Variants in EYA1 observed in about 807,000 individuals in gnomAD.
The protein encoded by EYA1 is EYA transcriptional coactivator and phosphatase 1.
EYA1 carries 16 observed loss-of-function variants against 82.0 expected under a neutral mutation model. The ratio of observed to expected loss-of-function variants is 0.20; its 90% CI spans 0.13 to 0.30. The LOEUF (loss-of-function observed/expected upper bound fraction) is 0.30. Ranked by LOEUF, EYA1 falls within the 10% of genes least tolerant of loss-of-function variation. The pLI, the probability that EYA1 is intolerant of heterozygous loss-of-function variation, is 1.00. For missense variants in EYA1, 633 were observed against 730.7 expected (o/e 0.87, Z 1.54); for synonymous variants, 261 against 264.4 (o/e 0.99, Z 0.12).
chr8:71,480,321 G>T (rs1810037257), intron 2 of EYA1, among the ~76,000 whole-genome samples: 1 of 152,152 alleles, frequency 6.6e-6, no homozygotes, highest in Non-Finnish European at 1.5e-5. Context: ...GATGTGATGT[G>T]TATATGACAT....
chr8:71,360,973 C>T (rs796127938), intron 1 of EYA1, among the ~76,000 whole-genome samples: 29 of 152,244 alleles, frequency 1.9e-4, no homozygotes, highest in African/African-American at 6.3e-4. Context: ...AATGGTAATT[C>T]AAAAGTTTAC....
At chr8:71,301,077 G>C (rs1009686985) in intron 7 of EYA1, among the ~76,000 whole-genome samples, 1 of 152,130 alleles carries the variant, frequency 6.6e-6, no homozygotes, top group African/African-American at 2.4e-5. Context: ...GAGCAGTATA[G>C]GCCATAAATG....
chr8:71,215,301 GAA>G, intron 16 of EYA1, 84 bp downstream of exon 16: 1 of 1,349,822 alleles, frequency 7.4e-7, no homozygotes, highest in Non-Finnish European at 1.1e-6. Context: ...TAGCATTCTG[GAA>G]AAAAAGTTTC....
At chr8:71,423,219 T>G (rs2129151738) in intron 2 of EYA1, among the ~76,000 whole-genome samples, 1 of 152,102 alleles carries the variant, frequency 6.6e-6, no homozygotes, top group African/African-American at 2.4e-5. Flanking sequence ...AGGGCAAAAC[T>G]AAGTTGATAA....
chr8:71,449,561 T>C (rs1384489542), intron 2 of EYA1, among the ~76,000 whole-genome samples: 1 of 152,250 alleles, frequency 6.6e-6, no homozygotes, highest in African/African-American at 2.4e-5. Context: ...TCATCTAGGC[T>C]TTATTGTTCC....
chr8:71,483,661 A>ATG (rs1190997564), intron 2 of EYA1, among the ~76,000 whole-genome samples: 2 of 149,578 alleles, frequency 1.3e-5, no homozygotes, highest in Non-Finnish European at 3.0e-5. Flanking sequence ...CGTCAATGGT[A>ATG]TGTGTGTGTG....
chr8:71,199,835 C>G (rs546915424), intron 17 of EYA1: 10 of 198,622 alleles, frequency 5.0e-5, no homozygotes, highest in Admixed American at 2.7e-4. Flanking sequence ...TACATTTTTT[C>G]TAACTTTTAA....
At chr8:71,511,117 C>T (rs1169123528) in intron 2 of EYA1, among the ~76,000 whole-genome samples, 2 of 151,962 alleles carry the variant, frequency 1.3e-5, no homozygotes, top group African/African-American at 4.8e-5. Context: ...CTTTAAACTG[C>T]CCTATACATA....
In EYA1 at chr8:71,198,817, CAATA is replaced by C. The variant is rs1252514655; in HGVS notation, c.*519_*522del. ...AAAGTCTGGTGGGTGAATTATACCTCAATAAAGCTGTTTTTTTATCTTTTTAAAA... is the reference window on the plus strand; with the variant it reads ...AAAGTCTGGTGGGTGAATTATACCTCAAGCTGTTTTTTTATCTTTTTAAAA... On this transcript the variant is annotated 3_prime_UTR_variant, in exon 18 of 18. Coordinates refer to ENST00000340726, the MANE Select transcript of EYA1 (RefSeq NM_000503.6). 8.3e-6 allele frequency: 1 copy of C among 121,142 alleles called. No homozygotes were observed. The highest frequency in any genetic ancestry group is 3.8e-5 in the African/African-American group (1 of 26,522). 7.5% of individuals were successfully genotyped at this position (121,142 alleles called of 1,614,324 possible). A position where few individuals can be genotyped will look rare whatever the true frequency, so the allele number is the denominator to read the frequency against.
chr8:71,353,159 G>A (rs966977018), intron 3 of EYA1, among the ~76,000 whole-genome samples: 3 of 151,972 alleles, frequency 2.0e-5, no homozygotes, highest in Admixed American at 6.5e-5. Context: ...GGTCACCTAC[G>A]GGCCTTCTGC....
chr8:71,537,110 T>C (rs988774358), intron 1 of EYA1, among the ~76,000 whole-genome samples: 1 of 152,194 alleles, frequency 6.6e-6, no homozygotes, highest in African/African-American at 2.4e-5. Flanking sequence ...TTTGTTTTGC[T>C]CAACATTATC....
At chr8:71,507,609 A>G (rs1020521375) in intron 2 of EYA1, among the ~76,000 whole-genome samples, 15 of 152,254 alleles carry the variant, frequency 9.9e-5, no homozygotes, top group Non-Finnish European at 1.5e-4. Context: ...CAATAGCAAA[A>G]GATTGGAGAA....
chr8:71,249,862 G>A (rs950226689), intron 11 of EYA1, among the ~76,000 whole-genome samples: 2 of 151,988 alleles, frequency 1.3e-5, no homozygotes, highest in South Asian at 2.1e-4. Context: ...ATCACATTTC[G>A]TCTGGACACC....
At chr8:71,487,570 T>G (rs1006943900) in intron 2 of EYA1, among the ~76,000 whole-genome samples, 3 of 152,302 alleles carry the variant, frequency 2.0e-5, no homozygotes, top group Middle Eastern at 3.4e-3. Flanking sequence ...AAGCTCAAGA[T>G]CTTTTGTCCA....
At chr8:71,331,582 G>T in intron 4 of EYA1, among the ~76,000 whole-genome samples, 1 of 151,408 alleles carries the variant, frequency 6.6e-6, no homozygotes, top group Admixed American at 6.6e-5. Flanking sequence ...CCACCATCTA[G>T]AGAGAATCAC....
chr8:71,540,750 A>T (rs1273872563), intron 1 of EYA1, among the ~76,000 whole-genome samples: 4 of 152,164 alleles, frequency 2.6e-5, no homozygotes, highest in South Asian at 2.1e-4. Context: ...GGCTCCTTGG[A>T]TGAAAGAATA....
chr8:71,319,614 A>G (rs1205729631), intron 6 of EYA1, among the ~76,000 whole-genome samples: 1 of 152,202 alleles, frequency 6.6e-6, no homozygotes, highest in Non-Finnish European at 1.5e-5. Flanking sequence ...CCAGCAAAAA[A>G]ACAGAATGAA....
intron 2 of EYA1, among the ~76,000 whole-genome samples, chr8:71,532,396 G>C (rs567158075): frequency 6.6e-6 from 1 of 152,254 alleles, no homozygotes; most frequent in East Asian, 1.9e-4. Context: ...TCAGCCCAGA[G>C]CTCTGAGCTG....
intron 11 of EYA1, among the ~76,000 whole-genome samples, 153 bp downstream of exon 11, chr8:71,269,586 AT>A (rs746922864): frequency 5.3e-5 from 8 of 152,236 alleles, no homozygotes; most frequent in African/African-American, 1.4e-4. Flanking sequence ...TCTTTTACAT[AT>A]TTTTTACCTT....
Sources: gnomAD v4.1 joint callset for allele counts (sites outside exome capture counted in the v4.1 genomes callset) on GRCh38, gnomAD v4.1.1 for gene constraint, MANE v1.5 for transcripts, NCBI Gene and HGNC (gene_info 2026-07-23, HGNC 2026-07-21) for gene names.